Variants in S100A13 observed in about 807,000 individuals in gnomAD.
S100A13 encodes the protein protein S100-A13.
Under a neutral mutation model 8.2 loss-of-function variants are expected in S100A13, and 6 were observed. That is an observed-to-expected ratio of 0.73 (90% CI 0.40 to 1.44). S100A13 has a LOEUF of 1.44. Ranked by LOEUF, S100A13 falls within the 40% of genes most tolerant of loss-of-function variation. S100A13 has a pLI of 0.02. For synonymous variants in S100A13, 39 were observed against 45.9 expected (o/e 0.85, Z 0.61); for missense variants, 114 against 113.6 (o/e 1.00, Z -0.02).
At chr1:153,628,271 GAA>G (rs1189150802), upstream of S100A13, 12 of 1,523,390 alleles carry the variant, frequency 7.9e-6, no homozygotes, top group South Asian at 5.0e-5. Flanking sequence ...GCAAGGCTGG[GAA>G]AGAGACAAGG....
chr1:153,622,394 G>T (rs1667326357), intron 2 of S100A13, among the ~76,000 whole-genome samples: 1 of 152,122 alleles, frequency 6.6e-6, no homozygotes, highest in Non-Finnish European at 1.5e-5. Flanking sequence ...AAATGAACAT[G>T]CCACTTAACC....
upstream of S100A13, chr1:153,628,280 A>T: frequency 5.9e-6 from 9 of 1,518,136 alleles, no homozygotes; most frequent in Non-Finnish European, 7.1e-6. Context: ...GGAAAGAGAC[A>T]AGGGCCGCCT....
chr1:153,630,496 TG>T, upstream of S100A13: 1 of 1,612,616 alleles, frequency 6.2e-7, no homozygotes, highest in South Asian at 1.1e-5. Flanking sequence ...ACTTCCATGA[TG>T]GGGGTGGGTA....
rs534893421 is a variant in S100A13, at chr1:153,626,138, G to A, written c.153+182C>T. ...AGCCAAGATCACACCACTGCACTCC[G>A]GCCTGGGCAACAGAGTGAGACTTTG... is the stretch of plus-strand genomic sequence containing the variant. On this transcript the variant is annotated intron_variant, in intron 2 of 2. Coordinates refer to ENST00000476133, the MANE Select transcript of S100A13 (RefSeq NM_001024211.2). Among the ~76,000 whole-genome samples, 65 of 152,300 alleles carry A rather than the reference G, an allele frequency of 4.3e-4. 1 individual carries two copies. Among genetic ancestry groups the A allele is most frequent in the South Asian group, 8.3e-4 (4 of 4,822 alleles).
At chr1:153,630,542 G>A (rs142954586), upstream of S100A13, 291 of 1,614,228 alleles carry the variant, frequency 1.8e-4, no homozygotes, top group Admixed American at 2.3e-4. Flanking sequence ...AGCTGGAGAC[G>A]GCGATGGAGA....
chr1:153,619,063 T>C (rs1230895258), intron 2 of S100A13, 25 bp from the exon 3 acceptor site: 8 of 1,606,640 alleles, frequency 5.0e-6, no homozygotes, highest in African/African-American at 2.7e-5. Context: ...AAGGGAAGGG[T>C]AGAGTTAGAA....
upstream of S100A13, chr1:153,633,213 T>C (rs945525006): frequency 4.0e-5 from 6 of 151,512 alleles, no homozygotes; most frequent in African/African-American, 1.2e-4. Flanking sequence ...GCAGGAAACA[T>C]AGCTTATGCC....
intron 2 of S100A13, among the ~76,000 whole-genome samples, chr1:153,624,467 G>A (rs953448048): frequency 6.7e-6 from 1 of 148,820 alleles, no homozygotes; most frequent in African/African-American, 2.5e-5. Context: ...TTAGAAAGAA[G>A]AAGAAACTAA....
At chr1:153,625,835 T>C (rs918985994) in intron 2 of S100A13, among the ~76,000 whole-genome samples, 1 of 152,198 alleles carries the variant, frequency 6.6e-6, no homozygotes, top group Non-Finnish European at 1.5e-5. Context: ...ATTATATGCA[T>C]GGACACACAA....
chr1:153,621,245 C>T (rs1270481623), intron 2 of S100A13, among the ~76,000 whole-genome samples: 1 of 151,710 alleles, frequency 6.6e-6, no homozygotes, highest in Non-Finnish European at 1.5e-5. Flanking sequence ...CAACCCCCAC[C>T]TTCTGGGTTC....
chr1:153,632,018 A>T, upstream of S100A13: 1 of 652,854 alleles, frequency 1.5e-6, no homozygotes, highest in South Asian at 2.0e-5. Context: ...TCTTTCATTA[A>T]AGGCTTCTCT....
At chr1:153,631,590 A>C, upstream of S100A13, 1 of 1,613,880 alleles carries the variant, frequency 6.2e-7, no homozygotes, top group Non-Finnish European at 8.5e-7. Flanking sequence ...AATTCAATGC[A>C]GTTCCTCTCG....
chr1:153,633,424 C>T (rs1222307305), upstream of S100A13, among the ~76,000 whole-genome samples: 4 of 152,020 alleles, frequency 2.6e-5, no homozygotes, highest in Admixed American at 2.0e-4. Context: ...ACACGGATGG[C>T]AGGTGTGGGG....
chr1:153,631,575 C>A, upstream of S100A13: 1 of 1,613,834 alleles, frequency 6.2e-7, no homozygotes, highest in African/African-American at 1.3e-5. Context: ...CTAGAAGAGT[C>A]CCATAATTCA....
At chr1:153,632,214 G>A (rs1030632460), upstream of S100A13, 1 of 178,038 alleles carries the variant, frequency 5.6e-6, no homozygotes, top group African/African-American at 2.4e-5. Flanking sequence ...GTTCCAGTTG[G>A]AAGTCGAGGA....
intron 2 of S100A13, among the ~76,000 whole-genome samples, chr1:153,623,966 G>A (rs1355450979): frequency 6.6e-6 from 1 of 152,186 alleles, no homozygotes; most frequent in Non-Finnish European, 1.5e-5. Flanking sequence ...TTAAGGCAGT[G>A]ATTACAATTA....
upstream of S100A13, chr1:153,632,087 G>C (rs993662190): frequency 1.3e-5 from 7 of 523,408 alleles, no homozygotes; most frequent in Admixed American, 6.7e-5. Flanking sequence ...GAGACGTGAA[G>C]ACTGTTCACT....
chr1:153,627,400 A>AG (rs1667728403), intron 1 of S100A13, 83 bp downstream of exon 1: 1 of 152,424 alleles, frequency 6.6e-6, no homozygotes, highest in African/African-American at 2.4e-5. Context: ...TTCCTGTCTG[A>AG]GCTGGCTCTG....
At chr1:153,621,948 T>C (rs768741083) in intron 2 of S100A13, among the ~76,000 whole-genome samples, 1 of 152,136 alleles carries the variant, frequency 6.6e-6, no homozygotes, top group Non-Finnish European at 1.5e-5. Context: ...CATTTTCACA[T>C]CATAGATTAG....
Sources: allele counts gnomAD v4.1 joint callset (sites outside exome capture counted in the v4.1 genomes callset), GRCh38; gene constraint gnomAD v4.1.1; transcripts MANE v1.5; gene names NCBI Gene and HGNC (gene_info 2026-07-23, HGNC 2026-07-21).